PTGFRN: variants seen among roughly 807,000 people sequenced by gnomAD.
PTGFRN encodes the protein prostaglandin F2 receptor inhibitor.
A neutral mutation model predicts 83.2 loss-of-function variants in PTGFRN; 35 were observed. That is an observed-to-expected ratio of 0.42 (90% CI 0.32 to 0.56). The LOEUF is 0.56. Among genes scored for constraint, PTGFRN ranks in the 20% least tolerant of loss-of-function variants. The pLI is 0.11. For missense variants in PTGFRN, 1,051 were observed against 1,179.5 expected (o/e 0.89, Z 1.60); for synonymous variants, 519 against 498.6 (o/e 1.04, Z -0.55).
chr1:116,980,995 A>G (rs1225536030), intron 7 of PTGFRN, among the ~76,000 whole-genome samples: 1 of 152,212 alleles, frequency 6.6e-6, no homozygotes, highest in East Asian at 1.9e-4. Context: ...GCTGGTGACC[A>G]GAGGGTGCTA....
chr1:116,944,800 C>T lies in PTGFRN; in HGVS notation c.540C>T (p.His180=), dbSNP rs771228139. ...TAASASPLHT[H]LALLWEVHRG... ...CCTCCGCCTCGCCGCTGCACACGCACCTGGCGCTGCTGTGGGAGGTGCACC... is the reference window on the plus strand; with the variant it reads ...CCTCCGCCTCGCCGCTGCACACGCATCTGGCGCTGCTGTGGGAGGTGCACC... Residue 180 remains histidine (H), a synonymous_variant, in exon 3 of 9, where the codon CAC becomes CAT. Coordinates refer to ENST00000393203, the MANE Select transcript of PTGFRN (RefSeq NM_020440.4). The T allele has an allele frequency of 2.6e-6, 4 of 1,568,412 alleles. No homozygotes were observed. Among genetic ancestry groups the T allele is most frequent in the Non-Finnish European group, 3.4e-6 (4 of 1,161,070 alleles).
intron 7 of PTGFRN, among the ~76,000 whole-genome samples, chr1:116,981,770 C>T (rs775140887): frequency 2.6e-5 from 4 of 152,220 alleles, no homozygotes; most frequent in Admixed American, 6.5e-5. Flanking sequence ...AGCAAATGGG[C>T]ATAGCTGTGT....
At chr1:116,960,512 C>G (rs1650620719) in intron 4 of PTGFRN, among the ~76,000 whole-genome samples, 1 of 152,118 alleles carries the variant, frequency 6.6e-6, no homozygotes, top group Admixed American at 6.5e-5. Flanking sequence ...TGCTGGCTTC[C>G]CTCCCACCCT....
intron 4 of PTGFRN, among the ~76,000 whole-genome samples, chr1:116,956,413 C>T (rs1486955729): frequency 6.6e-6 from 1 of 152,250 alleles, no homozygotes; most frequent in Non-Finnish European, 1.5e-5. Flanking sequence ...GTCCCCCGTA[C>T]TCTCATTCCG....
intron 6 of PTGFRN, 88 bp from the exon 7 acceptor site, chr1:116,974,128 C>T: frequency 9.9e-7 from 1 of 1,012,358 alleles, no homozygotes; most frequent in Non-Finnish European, 1.5e-6. Flanking sequence ...GGAAGAGAAC[C>T]ACATTTTGAT....
intron 8 of PTGFRN, 75 bp from the exon 9 acceptor site, chr1:116,986,726 A>G: frequency 5.5e-6 from 8 of 1,441,956 alleles, no homozygotes; most frequent in Middle Eastern, 3.7e-4. Flanking sequence ...CCAGTGGGGA[A>G]GGGAGGCGAG....
rs1406915636 is a variant in PTGFRN at position 116,918,734 on chromosome 1, T to C, written c.49+8482T>C. Among the ~76,000 whole-genome samples, 1 of 152,122 alleles carries C rather than the reference T, an allele frequency of 6.6e-6. No individual in the cohort carries two copies. Among genetic ancestry groups the C allele is most frequent in the Non-Finnish European group, 1.5e-5 (1 of 68,024 alleles). On this transcript the variant is annotated intron_variant, in intron 1 of 8. Coordinates refer to ENST00000393203, the MANE Select transcript of PTGFRN (RefSeq NM_020440.4). This position sits in a 1 kb window ranked among gnomAD's most constrained non-coding sequence, Gnocchi z 4.1. The stretch of plus-strand genomic sequence containing the variant: ...AAGGATGGAGGATAGCATAGGTCTG[T>C]AGTAAAGGCAGTGGGCCTAGTTTCG...
intron 1 of PTGFRN, among the ~76,000 whole-genome samples, chr1:116,940,424 C>T (rs1650031083): frequency 6.6e-6 from 1 of 152,142 alleles, no homozygotes; most frequent in African/African-American, 2.4e-5. Flanking sequence ...AGGATACAGT[C>T]GTATTGGATT....
At chr1:116,915,392 G>C (rs1005051282) in intron 1 of PTGFRN, among the ~76,000 whole-genome samples, 2 of 152,204 alleles carry the variant, frequency 1.3e-5, no homozygotes, top group African/African-American at 4.8e-5. Flanking sequence ...TGAAGGAGGA[G>C]GAAGGCCAGT....
At chr1:116,974,369 A>T (rs749937932) in intron 7 of PTGFRN, 46 bp downstream of exon 7, 1 of 1,396,356 alleles carries the variant, frequency 7.2e-7, no homozygotes, top group Non-Finnish European at 1.0e-6. Context: ...CTTTCTGTAA[A>T]TGTTTCTCAT....
chr1:116,967,545 A>G (rs570399011), intron 6 of PTGFRN, among the ~76,000 whole-genome samples: 2 of 152,280 alleles, frequency 1.3e-5, no homozygotes, highest in African/African-American at 2.4e-5. Context: ...CATGACCCCA[A>G]AAGAAACCTG....
At chr1:116,951,042 T>C (rs1344225724) in intron 4 of PTGFRN, among the ~76,000 whole-genome samples, 1 of 152,226 alleles carries the variant, frequency 6.6e-6, no homozygotes, top group African/African-American at 2.4e-5. Context: ...GTGTATTGTA[T>C]GGTGCTGTCA....
chr1:116,974,093 T>C (rs1196823771), intron 6 of PTGFRN, 123 bp from the exon 7 acceptor site: 1 of 684,536 alleles, frequency 1.5e-6, no homozygotes, highest in African/African-American at 1.8e-5. Context: ...ACACCTATTT[T>C]GTGAGTTTCT....
chr1:116,972,708 T>C (rs1242470820), intron 6 of PTGFRN, among the ~76,000 whole-genome samples: 4 of 152,194 alleles, frequency 2.6e-5, no homozygotes, highest in East Asian at 3.8e-4. Flanking sequence ...TCCCATAGCA[T>C]TGATGTTCTG....
rs1362979313 is a variant in PTGFRN at position 116,984,785 on chromosome 1, C to T, written c.2273C>T (p.Ser758Phe). ...GATCGGAAGGGCATCGTGACCACCT[C>T]CCGGAGGGACTGGAAGAGCGACCTC... is the stretch of plus-strand genomic sequence containing the variant. ...SLDRKGIVTTSRRDWKSDLSL... is the reference protein window; with the variant it reads ...SLDRKGIVTTFRRDWKSDLSL... Residue 758 changes from serine (S) to phenylalanine (F), a missense_variant, in exon 8 of 9, where the codon TCC becomes TTC. By Grantham distance (155) the Ser-to-Phe change is radical. This residue lies in a region of PTGFRN where 719 missense variants were observed against 836.6 expected (regional missense o/e 0.86). Transcript: ENST00000393203. The T allele has an allele frequency of 8.7e-6, 14 of 1,614,012 alleles. 1 individual carries two copies. In the Admixed American group the frequency reaches 1.7e-4, roughly 19 times the overall value.
intron 7 of PTGFRN, among the ~76,000 whole-genome samples, chr1:116,983,849 C>CA (rs564569417): frequency 3.9e-4 from 60 of 152,320 alleles, no homozygotes; most frequent in African/African-American, 1.4e-3. Flanking sequence ...GGATGAATCT[C>CA]AGAGCCGACA....
At chr1:116,936,408 T>C (rs993242359) in intron 1 of PTGFRN, among the ~76,000 whole-genome samples, 5 of 152,240 alleles carry the variant, frequency 3.3e-5, no homozygotes, top group Middle Eastern at 3.2e-3. Context: ...ATTTGATCTT[T>C]CAAGCATCTG....
At chr1:116,956,099 G>A (rs1274922235) in intron 4 of PTGFRN, among the ~76,000 whole-genome samples, 2 of 152,158 alleles carry the variant, frequency 1.3e-5, no homozygotes, top group East Asian at 3.8e-4. Context: ...AAACAAAAAC[G>A]AAATCAGAAC....
At chr1:116,956,406 C>T (rs1255206130) in intron 4 of PTGFRN, among the ~76,000 whole-genome samples, 2 of 152,166 alleles carry the variant, frequency 1.3e-5, no homozygotes. Context: ...TGTGCAAGTC[C>T]CCCGTACTCT....
Sources: gnomAD v4.1 joint callset for allele counts (sites outside exome capture counted in the v4.1 genomes callset) on GRCh38, gnomAD v4.1.1 for gene constraint, gnomAD v4.1.1 regional missense constraint, Gnocchi (gnomAD v3.1) non-coding constraint, MANE v1.5 for transcripts, NCBI Gene and HGNC (gene_info 2026-07-23, HGNC 2026-07-21) for gene names.